Variants in ATP2C2 observed in about 807,000 individuals in gnomAD.
The protein encoded by ATP2C2 is calcium-transporting ATPase type 2C member 2.
A neutral mutation model predicts 110.8 loss-of-function variants in ATP2C2; 171 were observed. The observed-to-expected ratio is 1.54, with a 90% CI of 1.36 to 1.75. The LOEUF is 1.75. Among genes scored for constraint, ATP2C2 ranks in the 40% most tolerant of loss-of-function variants. The pLI, the probability that ATP2C2 is intolerant of heterozygous loss-of-function variation, is 0.00. For missense variants in ATP2C2, 1,963 were observed against 1,235.0 expected, an observed-to-expected ratio of 1.59 and a Z score of -8.84; for synonymous variants, 804 against 508.4, an observed-to-expected ratio of 1.58 and a Z score of -7.82.
At chr16:84,388,092 G>C (rs1173205479) in intron 1 of ATP2C2, among the ~76,000 whole-genome samples, 1 of 152,166 alleles carries the variant, frequency 6.6e-6, no homozygotes, top group African/African-American at 2.4e-5. Context: ...AGCACTTTGG[G>C]AGGCCGAGGT....
chr16:84,423,621 G>T (rs1398372078), intron 10 of ATP2C2, among the ~76,000 whole-genome samples: 1 of 152,116 alleles, frequency 6.6e-6, no homozygotes. Context: ...TCTTCCTCTG[G>T]GTCCTTGGAG....
chr16:84,424,891 G>GTGAGT (rs1907674646), intron 10 of ATP2C2, among the ~76,000 whole-genome samples: 1 of 152,176 alleles, frequency 6.6e-6, no homozygotes, highest in Non-Finnish European at 1.5e-5. Context: ...CAAGGGTGGA[G>GTGAGT]TGAGTACCTA....
At chr16:84,391,713 T>C (rs1904674706) in intron 1 of ATP2C2, among the ~76,000 whole-genome samples, 1 of 152,190 alleles carries the variant, frequency 6.6e-6, no homozygotes, top group Non-Finnish European at 1.5e-5. Context: ...TGCCAGCATC[T>C]TGGTTTCAGA....
Position 84,453,211 on chromosome 16 carries a change from C to T in ATP2C2, c.1905C>T (p.Gly635=), listed in dbSNP as rs1223564795. The T allele has an allele frequency of 9.3e-6, 15 of 1,613,714 alleles. No individual in the cohort carries two copies. The highest frequency in any genetic ancestry group is 4.0e-5 in the African/African-American group (3 of 74,898). The change falls in exon 19 of 27, where the codon GGC becomes GGT. Residue 635 remains glycine (G), a synonymous_variant. Coordinates refer to ENST00000262429, the MANE Select transcript of ATP2C2 (RefSeq NM_014861.4). ...AGGAGGTGGACAGCGTGGAGAAGGG[C>T]GAGCTGGCCGACCGCGTGGGGAAGG... The part of the protein sequence containing the change: ...SGEEVDSVEK[G]ELADRVGKVS...
chr16:84,396,568 A>G lies in ATP2C2; in HGVS notation c.100-1931A>G, dbSNP rs1382466762. Among the ~76,000 whole-genome samples, 13 of 146,394 alleles carry G rather than the reference A, an allele frequency of 8.9e-5. No homozygotes were observed. In the East Asian group the frequency reaches 2.6e-3, roughly 29 times the overall value. On this transcript the variant is annotated intron_variant, in intron 1 of 26. Coordinates refer to ENST00000262429, the MANE Select transcript of ATP2C2 (RefSeq NM_014861.4). The stretch of plus-strand genomic sequence containing the variant: ...CTATCTCAAAAAAAAAAAAAAAAAA[A>G]AAAAGGAAAAGTGAATTCGGTGTAG...
At chr16:84,421,543 C>T (rs960332890) in intron 7 of ATP2C2, among the ~76,000 whole-genome samples, 3 of 152,080 alleles carry the variant, frequency 2.0e-5, no homozygotes, top group African/African-American at 7.2e-5. Context: ...ATGACCAGGT[C>T]CCTAGGGATA....
chr16:84,390,645 C>T (rs927813664), intron 1 of ATP2C2, among the ~76,000 whole-genome samples: 1 of 152,124 alleles, frequency 6.6e-6, no homozygotes, highest in Non-Finnish European at 1.5e-5. Flanking sequence ...GGAGTGCCTG[C>T]TTCCTGGGCA....
chr16:84,434,742 C>T lies in ATP2C2; in HGVS notation c.987-4424C>T, dbSNP rs1451749080. Among the ~76,000 whole-genome samples the T allele has an allele frequency of 1.3e-5, 2 of 151,958 alleles. 1 individual carries two copies. The highest frequency in any genetic ancestry group is 3.9e-4 in the East Asian group (2 of 5,128). ...CACGTTGGCCAGGCTAGTCTCAAAC[C>T]CCTGACCTCAAGTGTTCCATCCGTT... On this transcript the variant is annotated intron_variant, in intron 11 of 26. Transcript: ENST00000262429.
At chr16:84,423,141 A>G in intron 9 of ATP2C2, 47 bp from the exon 10 acceptor site, 1 of 1,534,576 alleles carries the variant, frequency 6.5e-7, no homozygotes, top group Non-Finnish European at 9.0e-7. Context: ...AAAGGCAGGC[A>G]GAAGCTAGGA....
chr16:84,410,778 C>A lies in ATP2C2; in HGVS notation c.515+13C>A, dbSNP rs1906212104. The A allele has an allele frequency of 6.2e-7, 1 of 1,612,560 alleles. No individual in the cohort carries two copies. On this transcript the variant is annotated intron_variant, in intron 6 of 26. Transcript: ENST00000262429. ...CAGAATGTAACTGGTAAGTCAGAGC[C>A]TCCCTGGGACTTTTTGGTTCACTGG...
chr16:84,450,215 C>G (rs928699458), intron 17 of ATP2C2, among the ~76,000 whole-genome samples: 2 of 152,188 alleles, frequency 1.3e-5, no homozygotes, highest in Non-Finnish European at 2.9e-5. Flanking sequence ...GCTGGGAAAA[C>G]TACAACCTGG....
intron 1 of ATP2C2, among the ~76,000 whole-genome samples, chr16:84,396,530 ACAGAGTGAGG>A (rs1904990318): frequency 7.1e-6 from 1 of 141,106 alleles, no homozygotes; most frequent in African/African-American, 2.7e-5. Flanking sequence ...AGCCTGGGTG[ACAGAGTGAGG>A]CTCTATCTCA....
chr16:84,407,774 G>A (rs573837685), intron 3 of ATP2C2, among the ~76,000 whole-genome samples: 2 of 152,248 alleles, frequency 1.3e-5, no homozygotes, highest in East Asian at 3.9e-4. Flanking sequence ...CCCAGCCCTT[G>A]TTGATATTGT....
At chr16:84,412,744 T>G (rs190160723) in intron 6 of ATP2C2, among the ~76,000 whole-genome samples, 1 of 152,070 alleles carries the variant, frequency 6.6e-6, no homozygotes, top group Non-Finnish European at 1.5e-5. Flanking sequence ...TTGGTTGAGG[T>G]CCTGTCAGGC....
chr16:84,376,671 C>A (rs1910268278), intron 1 of ATP2C2, among the ~76,000 whole-genome samples: 1 of 152,176 alleles, frequency 6.6e-6, no homozygotes, highest in Admixed American at 6.5e-5. Context: ...TGCCAGGTAT[C>A]CCCCATCGGG....
At chr16:84,408,797 A>T (rs1057189889) in intron 4 of ATP2C2, among the ~76,000 whole-genome samples, 3 of 151,952 alleles carry the variant, frequency 2.0e-5, no homozygotes, top group Non-Finnish European at 4.4e-5. Context: ...GGCTGTGCAC[A>T]TTTGCCTTCC....
At position 84,368,607 on chromosome 16, in the gene ATP2C2, C is replaced by T; in HGVS notation, c.-9C>T. 2 of 1,549,500 alleles carry T rather than the reference C, an allele frequency of 1.3e-6. No homozygotes were observed. Among genetic ancestry groups the T allele is most frequent in the Non-Finnish European group, 1.7e-6 (2 of 1,147,432 alleles). On this transcript the variant is annotated 5_prime_UTR_variant, in exon 1 of 27. Coordinates refer to ENST00000262429, the MANE Select transcript of ATP2C2 (RefSeq NM_014861.4). ...CTAGGGACGCAGGCAACGCCTGCGC[C>T]CGCTCACCATGGTCGAGGGACGCGT...
At chr16:84,406,596 G>T in intron 3 of ATP2C2, 2 of 985,640 alleles carry the variant, frequency 2.0e-6, no homozygotes, top group Non-Finnish European at 2.4e-6. Context: ...TCAGTTCTCA[G>T]TGTTCTGGGA....
At chr16:84,405,920 C>A (rs7501418) in intron 3 of ATP2C2, among the ~76,000 whole-genome samples, 63,109 of 151,900 alleles carry the variant, frequency 0.42, 15,630 homozygotes, top group African/African-American at 0.71. Context: ...ACCTTGTCTC[C>A]ACAACAACAA....
Sources: gnomAD v4.1 joint callset for allele counts (sites outside exome capture counted in the v4.1 genomes callset) on GRCh38, gnomAD v4.1.1 for gene constraint, MANE v1.5 for transcripts, NCBI Gene and HGNC (gene_info 2026-07-23, HGNC 2026-07-21) for gene names.